Variants in PRKN observed in about 807,000 individuals in gnomAD.
PRKN encodes the protein parkin RBR E3 ubiquitin protein ligase.
PRKN carries 56 observed loss-of-function variants against 59.5 expected under a neutral mutation model. That is an observed-to-expected ratio of 0.94 (90% CI 0.76 to 1.18). The LOEUF is 1.18. Among genes scored for constraint, PRKN ranks in the 50% most tolerant of loss-of-function variants. The pLI is 0.00. For synonymous variants in PRKN, 250 were observed against 222.1 expected (o/e 1.13, Z -1.12); for missense variants, 657 against 596.4 (o/e 1.10, Z -1.06).
chr6:162,168,556 C>CAAA (rs771060815), intron 4 of PRKN, among the ~76,000 whole-genome samples: 1,100 of 47,310 alleles, frequency 0.023, 211 homozygotes, highest in African/African-American at 0.078. Context: ...ATCTGTTTTA[C>CAAA]AAAAAAAAAA....
intron 1 of PRKN, among the ~76,000 whole-genome samples, chr6:162,511,425 C>A (rs1583697665): frequency 6.9e-6 from 1 of 145,148 alleles, no homozygotes; most frequent in East Asian, 2.0e-4. Flanking sequence ...GACATGTACA[C>A]AGAACTGTAC....
intron 6 of PRKN, among the ~76,000 whole-genome samples, chr6:161,864,886 C>A (rs902943774): frequency 6.6e-6 from 1 of 152,102 alleles, no homozygotes; most frequent in Non-Finnish European, 1.5e-5. Context: ...AAACTCCTGA[C>A]CTTGTGATCC....
chr6:161,981,889 A>T (rs1240822856), intron 5 of PRKN, among the ~76,000 whole-genome samples: 1 of 152,228 alleles, frequency 6.6e-6, no homozygotes, highest in East Asian at 1.9e-4. Flanking sequence ...TTTTCTCTCA[A>T]GATGTCAATA....
chr6:161,848,704 T>C (rs1793301528), intron 6 of PRKN, among the ~76,000 whole-genome samples: 1 of 152,234 alleles, frequency 6.6e-6, no homozygotes. Context: ...AAAAGAACTA[T>C]AATAAATTAT....
rs1458050478 is a variant in PRKN, at chr6:161,852,001, C to T, written c.735-66093G>A. ...GCTCAAGAGGCTGAGGCAGGAGAAT[C>T]TCTTGAACCTGGGAGACAGAGGTTG... On this transcript the variant is annotated intron_variant, in intron 6 of 11. Coordinates refer to ENST00000366898, the MANE Select transcript of PRKN (RefSeq NM_004562.3). Among the ~76,000 whole-genome samples the T allele has an allele frequency of 2.0e-5, 3 of 150,986 alleles. No individual in the cohort carries two copies. In the East Asian group the frequency reaches 6.0e-4, roughly 30 times the overall value.
At chr6:162,007,616 A>G (rs1461810289) in intron 5 of PRKN, among the ~76,000 whole-genome samples, 2 of 152,180 alleles carry the variant, frequency 1.3e-5, no homozygotes, top group Admixed American at 1.3e-4. Context: ...GAGCTGAGTA[A>G]GAAATCAATC....
At chr6:161,773,396 C>T (rs144525533) in intron 7 of PRKN, among the ~76,000 whole-genome samples, 40 of 152,246 alleles carry the variant, frequency 2.6e-4, no homozygotes, top group East Asian at 5.8e-4. Flanking sequence ...CAACTGCTGA[C>T]GAGGCAGGGG....
At chr6:162,288,420 T>C (rs1204203301) in intron 2 of PRKN, among the ~76,000 whole-genome samples, 1 of 151,996 alleles carries the variant, frequency 6.6e-6, no homozygotes, top group Non-Finnish European at 1.5e-5. Flanking sequence ...CAGATATACG[T>C]CAAGTCTGTA....
At chr6:162,363,117 G>C (rs983197151) in intron 2 of PRKN, among the ~76,000 whole-genome samples, 2 of 119,954 alleles carry the variant, frequency 1.7e-5, no homozygotes, top group African/African-American at 6.6e-5. Context: ...GACAGAGCGA[G>C]ACTCCTTCTC....
At chr6:162,695,468 T>C (rs1777933858) in intron 1 of PRKN, among the ~76,000 whole-genome samples, 1 of 152,198 alleles carries the variant, frequency 6.6e-6, no homozygotes, top group Non-Finnish European at 1.5e-5. Flanking sequence ...TGTCAAGACA[T>C]GACTTTCTCT....
chr6:161,817,585 T>C (rs1791842164), intron 6 of PRKN, among the ~76,000 whole-genome samples: 2 of 152,246 alleles, frequency 1.3e-5, no homozygotes, highest in South Asian at 4.1e-4. Flanking sequence ...TGAAATATTG[T>C]AAACCTATAT....
intron 7 of PRKN, among the ~76,000 whole-genome samples, chr6:161,607,626 T>C (rs1202793055): frequency 1.3e-5 from 2 of 152,044 alleles, no homozygotes; most frequent in Non-Finnish European, 2.9e-5. Context: ...GGTAGAGGAA[T>C]GGGAAACAGG....
intron 5 of PRKN, among the ~76,000 whole-genome samples, chr6:162,016,321 C>T (rs1177129929): frequency 2.0e-5 from 3 of 151,882 alleles, no homozygotes; most frequent in Non-Finnish European, 2.9e-5. Flanking sequence ...GCATTTTTTC[C>T]ATCACTCACT....
At chr6:161,590,367 G>C (rs1432778681) in intron 7 of PRKN, among the ~76,000 whole-genome samples, 2 of 151,908 alleles carry the variant, frequency 1.3e-5, no homozygotes, top group Non-Finnish European at 2.9e-5. Flanking sequence ...GGAGGCCGAG[G>C]TGGGTGGATC....
chr6:162,642,567 T>C (rs1427666439), intron 1 of PRKN, among the ~76,000 whole-genome samples: 4 of 152,042 alleles, frequency 2.6e-5, no homozygotes, highest in Non-Finnish European at 4.4e-5. Context: ...ATCTCAAACA[T>C]TATTTAGAAG....
At chr6:162,001,299 T>C (rs1782046622) in intron 5 of PRKN, among the ~76,000 whole-genome samples, 1 of 152,080 alleles carries the variant, frequency 6.6e-6, no homozygotes, top group Admixed American at 6.6e-5. Context: ...TCCATTTATT[T>C]AGTTAATTTC....
At chr6:161,615,314 T>A (rs1279779603) in intron 7 of PRKN, among the ~76,000 whole-genome samples, 1 of 152,140 alleles carries the variant, frequency 6.6e-6, no homozygotes. Context: ...AAGCTATTAT[T>A]AATATTAAGG....
At chr6:162,488,773 G>A (rs1229602792) in intron 1 of PRKN, among the ~76,000 whole-genome samples, 5 of 152,204 alleles carry the variant, frequency 3.3e-5, no homozygotes, top group Non-Finnish European at 7.3e-5. Context: ...TAGTGCTGGT[G>A]ATTGACACTA....
At chr6:161,411,028 T>TA (rs1244412516) in intron 9 of PRKN, among the ~76,000 whole-genome samples, 3 of 152,236 alleles carry the variant, frequency 2.0e-5, no homozygotes, top group Non-Finnish European at 2.9e-5. Flanking sequence ...ATTTTTCAGA[T>TA]AAAAAACCTA....
Sources: allele counts gnomAD v4.1 joint callset (sites outside exome capture counted in the v4.1 genomes callset), GRCh38; gene constraint gnomAD v4.1.1; transcripts MANE v1.5; gene names NCBI Gene and HGNC (gene_info 2026-07-23, HGNC 2026-07-21).